The following OXR1 variants were observed in gnomAD, a reference collection of about 807,000 sequenced individuals.
The protein encoded by OXR1 is oxidation resistance 1, also known as oxidation resistance protein 1.
OXR1 carries 41 observed loss-of-function variants against 104.6 expected under a neutral mutation model. The observed-to-expected ratio is 0.39, with a 90% confidence interval of 0.31 to 0.51. The LOEUF is 0.51. OXR1 is among the 20% of genes least tolerant of loss of function. OXR1 has a pLI of 0.77. For synonymous variants in OXR1, 348 were observed against 348.4 expected (o/e 1.00, Z 0.01); for missense variants, 955 against 1,031.9 (o/e 0.93, Z 1.02).
chr8:106,739,317 T>C lies in OXR1; in HGVS notation c.2038-141T>C, dbSNP rs1169516641. The C allele has an allele frequency of 1.9e-5, 13 of 680,940 alleles. No individual in the cohort carries two copies. The Admixed American group carries it at 3.5e-4, about 18-fold the overall frequency. The allele number at this position is 680,940 out of a possible 1,614,324, so 42.2% of individuals were successfully genotyped here. A position where few individuals can be genotyped will look rare whatever the true frequency, so the allele number is the denominator to read the frequency against. ...CATCATAGATATTAGATATGGGCCA[T>C]CTTTTGCCCTATAAAATCTTAAGGT... On this transcript the variant is annotated intron_variant, in intron 12 of 16. Transcript: ENST00000517566.
chr8:106,702,562 A>G (rs1359105680), intron 7 of OXR1, among the ~76,000 whole-genome samples: 2 of 152,204 alleles, frequency 1.3e-5, no homozygotes, highest in Admixed American at 6.5e-5. Context: ...TAGTGAGGGA[A>G]TAACACAGGA....
chr8:106,742,182 T>C (rs1834973463), intron 14 of OXR1, 40 bp from the exon 15 acceptor site: 2 of 1,077,100 alleles, frequency 1.9e-6, no homozygotes, highest in South Asian at 2.6e-5. Context: ...TGGAATAAAT[T>C]TGTTAGTCGT....
chr8:106,313,933 T>C (rs1423921519), intron 1 of OXR1, among the ~76,000 whole-genome samples: 1 of 152,176 alleles, frequency 6.6e-6, no homozygotes, highest in African/African-American at 2.4e-5. Context: ...AAGAAGAATG[T>C]TTTTCTCATC....
chr8:106,333,561 A>G (rs1268811478), intron 1 of OXR1, among the ~76,000 whole-genome samples: 1 of 152,022 alleles, frequency 6.6e-6, no homozygotes. Context: ...CTCTAATCCA[A>G]TGTCATGGAA....
intron 2 of OXR1, among the ~76,000 whole-genome samples, chr8:106,462,462 CT>C (rs1307538351): frequency 6.6e-6 from 1 of 152,106 alleles, no homozygotes; most frequent in Non-Finnish European, 1.5e-5. Flanking sequence ...TGGGAAAACA[CT>C]TTGCTTCTCT....
At chr8:106,393,198 G>A (rs1331764142) in intron 2 of OXR1, among the ~76,000 whole-genome samples, 1 of 152,158 alleles carries the variant, frequency 6.6e-6, no homozygotes. Flanking sequence ...AGAGAAATTA[G>A]TAGAAGCAGT....
intron 3 of OXR1, among the ~76,000 whole-genome samples, chr8:106,519,433 G>C (rs1408514397): frequency 1.3e-5 from 2 of 152,014 alleles, no homozygotes; most frequent in Non-Finnish European, 2.9e-5. Context: ...TCTCTCTTAG[G>C]TTTTTCAATT....
chr8:106,741,004 G>A (rs1834875214), intron 14 of OXR1, among the ~76,000 whole-genome samples: 1 of 151,998 alleles, frequency 6.6e-6, no homozygotes, highest in Non-Finnish European at 1.5e-5. Flanking sequence ...CAAAACACTG[G>A]TATTACTAAC....
chr8:106,400,380 G>A (rs1817953600), intron 2 of OXR1, among the ~76,000 whole-genome samples: 1 of 151,974 alleles, frequency 6.6e-6, no homozygotes. Flanking sequence ...CAACTCCATT[G>A]GGTTTTGTTA....
intron 11 of OXR1, among the ~76,000 whole-genome samples, chr8:106,716,842 T>A (rs535746286): frequency 3.3e-5 from 5 of 152,282 alleles, no homozygotes; most frequent in African/African-American, 9.6e-5. Flanking sequence ...TTGTAATGTA[T>A]CTTACATTAT....
At chr8:106,500,588 T>C (rs1050768707) in intron 2 of OXR1, among the ~76,000 whole-genome samples, 3 of 151,784 alleles carry the variant, frequency 2.0e-5, no homozygotes, top group Non-Finnish European at 4.4e-5. Flanking sequence ...TTGACGATGC[T>C]CCCAGCTGAA....
At chr8:106,412,687 C>A (rs1818505890) in intron 2 of OXR1, among the ~76,000 whole-genome samples, 1 of 152,020 alleles carries the variant, frequency 6.6e-6, no homozygotes, top group Admixed American at 6.6e-5. Context: ...CGATATGCAC[C>A]TTAATTTTTA....
chr8:106,410,685 T>C (rs1291814128), intron 2 of OXR1, among the ~76,000 whole-genome samples: 5 of 152,166 alleles, frequency 3.3e-5, no homozygotes, highest in African/African-American at 7.2e-5. Context: ...ATATAAGATA[T>C]GACTTAGAAA....
intron 3 of OXR1, among the ~76,000 whole-genome samples, chr8:106,564,225 T>A (rs890885792): frequency 4.6e-5 from 7 of 152,032 alleles, no homozygotes; most frequent in African/African-American, 1.7e-4. Context: ...ACAAAATTGA[T>A]AGACCGCTAG....
At chr8:106,578,034 G>A (rs10112029) in intron 3 of OXR1, among the ~76,000 whole-genome samples, 106,786 of 152,046 alleles carry the variant, frequency 0.7, 37,830 homozygotes, top group African/African-American at 0.78. Flanking sequence ...AATCTGGGTT[G>A]TGGCTTCACA....
chr8:106,291,605 A>T (rs1422161915), intron 1 of OXR1, among the ~76,000 whole-genome samples: 1 of 152,198 alleles, frequency 6.6e-6, no homozygotes, highest in Non-Finnish European at 1.5e-5. Context: ...ATTAAATGGA[A>T]AATTCTATAC....
intron 3 of OXR1, among the ~76,000 whole-genome samples, chr8:106,597,209 G>A (rs994240092): frequency 6.6e-6 from 1 of 152,214 alleles, no homozygotes; most frequent in South Asian, 2.1e-4. Context: ...CTGTTCAAAG[G>A]TGAGCCTTTG....
intron 7 of OXR1, among the ~76,000 whole-genome samples, chr8:106,701,478 G>A (rs185975899): frequency 6.6e-6 from 1 of 152,310 alleles, no homozygotes; most frequent in African/African-American, 2.4e-5. Context: ...GACTTGGGAG[G>A]AGGATGTGAT....
At chr8:106,661,272 C>T (rs1825737403) in intron 3 of OXR1, among the ~76,000 whole-genome samples, 1 of 152,218 alleles carries the variant, frequency 6.6e-6, no homozygotes, top group Non-Finnish European at 1.5e-5. Flanking sequence ...TAATGTCTCT[C>T]CTTCCTTTAC....
Sources: gnomAD v4.1 joint callset for allele counts (sites outside exome capture counted in the v4.1 genomes callset) on GRCh38, gnomAD v4.1.1 for gene constraint, MANE v1.5 for transcripts, NCBI Gene and HGNC (gene_info 2026-07-23, HGNC 2026-07-21) for gene names.